Variants in TMED10 observed in about 807,000 individuals in gnomAD.
TMED10 encodes transmembrane emp24 domain-containing protein 10.
Under a neutral mutation model 23.1 loss-of-function variants are expected in TMED10, and 7 were observed. The observed-to-expected ratio is 0.30, with a 90% CI of 0.17 to 0.57. TMED10 has a LOEUF of 0.57. Ranked by LOEUF, TMED10 falls within the 20% of genes least tolerant of loss-of-function variation. The probability of loss-of-function intolerance (pLI) is 0.91; values close to 1 mark genes in which losing one functional copy is unlikely to be tolerated. For missense variants in TMED10, 162 were observed against 274.8 expected (o/e 0.59, Z 2.90); for synonymous variants, 113 against 106.9 (o/e 1.06, Z -0.35).
intron 3 of TMED10, among the ~76,000 whole-genome samples, chr14:75,137,676 A>G (rs1293623415): frequency 7.8e-6 from 1 of 128,088 alleles, no homozygotes; most frequent in Non-Finnish European, 1.6e-5. Flanking sequence ...CTCCATCTCA[A>G]AAAAAAAAAA....
chr14:75,136,093 T>G (rs1895745718), intron 3 of TMED10, among the ~76,000 whole-genome samples: 1 of 152,226 alleles, frequency 6.6e-6, no homozygotes, highest in African/African-American at 2.4e-5. Context: ...ACTTTAATTT[T>G]GACTAAAATC....
At chr14:75,138,664 A>G (rs1197523525) in intron 3 of TMED10, among the ~76,000 whole-genome samples, 2 of 152,186 alleles carry the variant, frequency 1.3e-5, no homozygotes, top group Non-Finnish European at 2.9e-5. Flanking sequence ...ATGGCATGAT[A>G]CTTCTTAGAG....
chr14:75,174,186 C>T (rs182449812), intron 1 of TMED10, among the ~76,000 whole-genome samples: 45 of 152,226 alleles, frequency 3.0e-4, no homozygotes, highest in African/African-American at 9.4e-4. Context: ...AAAATAGTTC[C>T]TACCCTGAGG....
intron 2 of TMED10, among the ~76,000 whole-genome samples, chr14:75,151,193 C>T (rs1367494475): frequency 6.6e-6 from 1 of 151,622 alleles, no homozygotes; most frequent in African/African-American, 2.4e-5. Flanking sequence ...GCGTGAGTCA[C>T]TGCGCCCGGC....
chr14:75,167,440 A>G (rs898162093), intron 1 of TMED10, among the ~76,000 whole-genome samples: 2 of 47,252 alleles, frequency 4.2e-5, no homozygotes, highest in African/African-American at 1.7e-4. Flanking sequence ...CCCCACCCCC[A>G]CCACTGTCCT....
Position 75,176,433 on chromosome 14 carries a change from GTGAA to G in TMED10, c.143_146del (p.Ile48ThrfsTer5). 6.2e-7 allele frequency: 1 copy of G among 1,614,240 alleles called. No homozygotes were observed. The highest frequency in any genetic ancestry group is 8.5e-7 in the Non-Finnish European group (1 of 1,180,040). On this transcript the variant is annotated frameshift_variant, in exon 1 of 5. Transcript: ENST00000303575. LOFTEE classifies it high-confidence loss of function. ...ACGCGCCAGTCACTAGCAGGTCCTTGTGAATCTCCTCACGGAGGCACTTGCGAGA... is the reference window on the plus strand; with the variant it reads ...ACGCGCCAGTCACTAGCAGGTCCTTGTCTCCTCACGGAGGCACTTGCGAGA...
rs1895699422 is a variant in TMED10 at position 75,132,478 on chromosome 14, G to A, written c.*2407C>T. 6.9e-6 allele frequency: 1 copy of A among 145,520 alleles called. No homozygotes were observed. Among genetic ancestry groups the A allele is most frequent in the Non-Finnish European group, 1.5e-5 (1 of 66,940 alleles). The allele number at this position is 145,520 out of a possible 1,614,324, so 9.0% of individuals were successfully genotyped here. ...ATGCATCCTCTGTAACTTAGTATAT[G>A]TAATACTACAGATAGACTTTCTCAA... On this transcript the variant is annotated 3_prime_UTR_variant, in exon 5 of 5. Coordinates refer to ENST00000303575, the MANE Select transcript of TMED10 (RefSeq NM_006827.6).
Position 75,133,951 on chromosome 14 carries a change from A to G in TMED10, c.*934T>C. 1 of 264,456 alleles carries G rather than the reference A, an allele frequency of 3.8e-6. No individual in the cohort carries two copies. The highest frequency in any genetic ancestry group is 7.3e-6 in the Non-Finnish European group (1 of 137,116). The allele number at this position is 264,456 out of a possible 1,614,324, so 16.4% of individuals were successfully genotyped here. A position where few individuals can be genotyped will look rare whatever the true frequency, so the allele number is the denominator to read the frequency against. The stretch of plus-strand genomic sequence containing the variant: ...ACTATTCATACATGCAACAACTTGG[A>G]TGGATTTCAAGGGAATTATGCTGAA... On this transcript the variant is annotated 3_prime_UTR_variant, in exon 5 of 5. Coordinates refer to ENST00000303575, the MANE Select transcript of TMED10 (RefSeq NM_006827.6).
rs908994623 is a variant in TMED10, at chr14:75,131,936, T to C, written c.*2949A>G. 7.2e-5 allele frequency: 11 copies of C among 152,540 alleles called. No homozygotes were observed. Among genetic ancestry groups the C allele is most frequent in the African/African-American group, 2.4e-4 (10 of 41,446 alleles). The allele number at this position is 152,540 out of a possible 1,614,324, so 9.4% of individuals were successfully genotyped here. A position where few individuals can be genotyped will look rare whatever the true frequency, so the allele number is the denominator to read the frequency against. On this transcript the variant is annotated 3_prime_UTR_variant, in exon 5 of 5. Coordinates refer to ENST00000303575, the MANE Select transcript of TMED10 (RefSeq NM_006827.6). ...ACAAAAGCATCAACGAAATAAAATA[T>C]TCTCTTCTCCTATCTTCTTGACATT...
At chr14:75,138,622 C>G (rs967988684) in intron 3 of TMED10, among the ~76,000 whole-genome samples, 4 of 152,170 alleles carry the variant, frequency 2.6e-5, no homozygotes, top group African/African-American at 4.8e-5. Flanking sequence ...CTTCCCCACT[C>G]AGAGCTTCCT....
Position 75,176,608 on chromosome 14 carries a change from G to C in TMED10, c.-29C>G, listed in dbSNP as rs1333447253. 2.5e-6 allele frequency: 4 copies of C among 1,611,820 alleles called. No homozygotes were observed. On this transcript the variant is annotated 5_prime_UTR_variant, in exon 1 of 5. Transcript: ENST00000303575. ...GCTGGAGACTCGTTCACCACCGAAGGCCTCAACCGCGCCGGAACCGGGGGG... is the reference window on the plus strand; with the variant it reads ...GCTGGAGACTCGTTCACCACCGAAGCCCTCAACCGCGCCGGAACCGGGGGG...
chr14:75,147,451 C>T, intron 3 of TMED10: 1 of 590,736 alleles, frequency 1.7e-6, no homozygotes, highest in Non-Finnish European at 3.0e-6. Context: ...GCCTTGGCCT[C>T]CCAAAGTGCT....
chr14:75,135,993 C>A (rs982998139), intron 3 of TMED10, 107 bp from the exon 4 acceptor site: 18 of 1,459,078 alleles, frequency 1.2e-5, no homozygotes, highest in Non-Finnish European at 1.4e-5. Flanking sequence ...GATTTAAATT[C>A]TCTCCTATCA....
At chr14:75,165,167 A>G (rs1382126410) in intron 1 of TMED10, among the ~76,000 whole-genome samples, 1 of 152,180 alleles carries the variant, frequency 6.6e-6, no homozygotes, top group Non-Finnish European at 1.5e-5. Flanking sequence ...AGCAGAAAGA[A>G]CACCAACTCA....
intron 3 of TMED10, among the ~76,000 whole-genome samples, chr14:75,138,159 G>T (rs1166622065): frequency 6.6e-6 from 1 of 152,078 alleles, no homozygotes; most frequent in Admixed American, 6.6e-5. Context: ...ATGAATAGGA[G>T]GCATTTATTT....
At chr14:75,155,398 G>A (rs1440844238) in intron 1 of TMED10, among the ~76,000 whole-genome samples, 1 of 152,208 alleles carries the variant, frequency 6.6e-6, no homozygotes, top group East Asian at 1.9e-4. Context: ...TGCCTTCATA[G>A]TGGTTTTGGT....
At chr14:75,158,315 TA>T (rs1456720342) in intron 1 of TMED10, among the ~76,000 whole-genome samples, 1 of 152,128 alleles carries the variant, frequency 6.6e-6, no homozygotes, top group Non-Finnish European at 1.5e-5. Flanking sequence ...AGAAGCAGCA[TA>T]AAAAAGGACT....
chr14:75,164,229 C>CT (rs765743077), intron 1 of TMED10, among the ~76,000 whole-genome samples: 3,408 of 118,444 alleles, frequency 0.029, 145 homozygotes, highest in African/African-American at 0.076. Flanking sequence ...CCATGCCCGG[C>CT]TTTTTTTTTT....
chr14:75,154,094 G>A (rs545764644), intron 1 of TMED10, among the ~76,000 whole-genome samples: 6 of 149,870 alleles, frequency 4.0e-5, no homozygotes, highest in Admixed American at 2.6e-4. Context: ...ACATGTAGCC[G>A]GGCGTGGTAG....
Sources: allele counts gnomAD v4.1 joint callset (sites outside exome capture counted in the v4.1 genomes callset), GRCh38; gene constraint gnomAD v4.1.1; transcripts MANE v1.5; gene names NCBI Gene and HGNC (gene_info 2026-07-23, HGNC 2026-07-21).